Variants in MEIS1 observed in about 807,000 individuals in gnomAD.
MEIS1 encodes the protein homeobox protein Meis1.
Under a neutral mutation model 50.8 loss-of-function variants are expected in MEIS1, and 5 were observed. The observed-to-expected ratio is 0.10, with a 90% CI of 0.05 to 0.21. The LOEUF (loss-of-function observed/expected upper bound fraction) is 0.21, where lower values mean the gene tolerates loss of function less well. Among genes scored for constraint, MEIS1 ranks in the 10% least tolerant of loss-of-function variants. The pLI, the probability that MEIS1 is intolerant of heterozygous loss-of-function variation, is 1.00. For missense variants in MEIS1, 318 were observed against 517.3 expected (o/e 0.61, Z 3.74); for synonymous variants, 176 against 179.3 (o/e 0.98, Z 0.15).
intron 9 of MEIS1, among the ~76,000 whole-genome samples, chr2:66,560,947 A>T (rs1308949121): frequency 6.6e-6 from 1 of 152,332 alleles, no homozygotes; most frequent in Non-Finnish European, 1.5e-5. Context: ...ACATGATTTC[A>T]TAAGGTTTGA....
chr2:66,491,208 A>G (rs1673265569), intron 7 of MEIS1, among the ~76,000 whole-genome samples: 1 of 152,226 alleles, frequency 6.6e-6, no homozygotes, highest in South Asian at 2.1e-4. Context: ...ACCTATAGGA[A>G]CCATCTCTAT....
At chr2:66,479,577 T>C (rs1672970267) in intron 7 of MEIS1, among the ~76,000 whole-genome samples, 1 of 152,224 alleles carries the variant, frequency 6.6e-6, no homozygotes, top group Non-Finnish European at 1.5e-5. Flanking sequence ...GTTTCAGAGA[T>C]GAAGATCTTA....
At chr2:66,546,512 G>A (rs1383493310) in intron 8 of MEIS1, among the ~76,000 whole-genome samples, 2 of 152,144 alleles carry the variant, frequency 1.3e-5, no homozygotes, top group Non-Finnish European at 2.9e-5. Context: ...AAGGGAAGCA[G>A]GAAATATCAC....
intron 9 of MEIS1, among the ~76,000 whole-genome samples, chr2:66,557,725 C>T (rs1052325955): frequency 3.9e-5 from 6 of 152,046 alleles, no homozygotes; most frequent in African/African-American, 9.7e-5. Flanking sequence ...CCATTATAAG[C>T]GTTCATATAC....
At chr2:66,451,450 C>CTG (rs1185254457) in intron 6 of MEIS1, among the ~76,000 whole-genome samples, 1 of 152,042 alleles carries the variant, frequency 6.6e-6, no homozygotes, top group African/African-American at 2.4e-5. Flanking sequence ...AGCAATTTGA[C>CTG]TGTACATCCA....
chr2:66,476,097 C>A (rs1243621732), intron 7 of MEIS1, among the ~76,000 whole-genome samples: 6 of 152,088 alleles, frequency 3.9e-5, no homozygotes, highest in African/African-American at 9.7e-5. Flanking sequence ...TGGTTATTAT[C>A]CCCAGGAACA....
At chr2:66,482,978 A>C (rs1673053350) in intron 7 of MEIS1, among the ~76,000 whole-genome samples, 1 of 152,196 alleles carries the variant, frequency 6.6e-6, no homozygotes, top group Non-Finnish European at 1.5e-5. Flanking sequence ...TTTTGGACAC[A>C]GGAACAGCCT....
intron 1 of MEIS1, among the ~76,000 whole-genome samples, chr2:66,437,201 T>G (rs1671816685): frequency 6.6e-6 from 1 of 152,140 alleles, no homozygotes; most frequent in Non-Finnish European, 1.5e-5. Flanking sequence ...CTTGTAGGAC[T>G]GCCTAACCTC....
chr2:66,468,291 G>T (rs935684610), intron 7 of MEIS1, among the ~76,000 whole-genome samples: 1 of 152,096 alleles, frequency 6.6e-6, no homozygotes, highest in African/African-American at 2.4e-5. Flanking sequence ...CAAGCAAATT[G>T]GGTGCCTCTT....
At chr2:66,455,683 C>CA (rs1672371207) in intron 6 of MEIS1, among the ~76,000 whole-genome samples, 1 of 152,184 alleles carries the variant, frequency 6.6e-6, no homozygotes, top group Non-Finnish European at 1.5e-5. Context: ...TCCCCACCCT[C>CA]ACTGCCTGCC....
intron 9 of MEIS1, among the ~76,000 whole-genome samples, chr2:66,561,712 T>C (rs940099503): frequency 6.6e-6 from 1 of 152,238 alleles, no homozygotes; most frequent in Non-Finnish European, 1.5e-5. Flanking sequence ...TTGATTAGCT[T>C]CTTAGGTACT....
chr2:66,439,677 C>G (rs1442592359), intron 2 of MEIS1, 166 bp from the exon 3 acceptor site: 1 of 1,539,594 alleles, frequency 6.5e-7, no homozygotes, highest in Admixed American at 2.0e-5. Context: ...GGGAGGTGAG[C>G]GGTCACCTGG....
At chr2:66,527,446 C>T (rs918918068) in intron 8 of MEIS1, among the ~76,000 whole-genome samples, 1 of 152,164 alleles carries the variant, frequency 6.6e-6, no homozygotes, top group East Asian at 1.9e-4. Context: ...GTCCACATAG[C>T]CTCATCAGAG....
chr2:66,519,951 G>C (rs1210914938), intron 8 of MEIS1, among the ~76,000 whole-genome samples: 2 of 152,028 alleles, frequency 1.3e-5, no homozygotes, highest in African/African-American at 4.8e-5. Flanking sequence ...GTTTTTATCT[G>C]TTTCCACAAT....
Position 66,440,059 on chromosome 2 carries a change from G to A in MEIS1, c.381+75G>A, listed in dbSNP as rs771454608. On this transcript the variant is annotated intron_variant, in intron 3 of 12. Transcript: ENST00000272369. ...CCTTCGCCAACACACACGCGCGCGC[G>A]CGCGCGCGAACACACACACACACAC... The A allele has an allele frequency of 1.8e-5, 23 of 1,268,478 alleles. No homozygotes were observed. In the African/African-American group the frequency reaches 5.2e-4, roughly 29 times the overall value. The allele number at this position is 1,268,478 out of a possible 1,614,324, so 78.6% of individuals were successfully genotyped here.
intron 6 of MEIS1, among the ~76,000 whole-genome samples, chr2:66,457,901 T>C (rs1024716678): frequency 6.6e-6 from 1 of 152,208 alleles, no homozygotes; most frequent in African/African-American, 2.4e-5. Context: ...TTGTTCACTT[T>C]TGGAGACAAG....
At chr2:66,481,080 A>G (rs542414942) in intron 7 of MEIS1, among the ~76,000 whole-genome samples, 36 of 152,210 alleles carry the variant, frequency 2.4e-4, no homozygotes, top group African/African-American at 8.4e-4. Context: ...AAATGAGCAG[A>G]GAGGCAAGTC....
intron 9 of MEIS1, among the ~76,000 whole-genome samples, chr2:66,548,292 A>G (rs970206396): frequency 1.3e-5 from 2 of 151,832 alleles, no homozygotes; most frequent in Non-Finnish European, 2.9e-5. Context: ...GGCTCTGTCA[A>G]TGTATCTCTC....
At chr2:66,501,159 T>TA (rs869037067) in intron 7 of MEIS1, among the ~76,000 whole-genome samples, 5 of 152,156 alleles carry the variant, frequency 3.3e-5, no homozygotes, top group Non-Finnish European at 7.4e-5. Context: ...AAAATAATTT[T>TA]AAAAAATAGG....
Sources: allele counts gnomAD v4.1 joint callset (sites outside exome capture counted in the v4.1 genomes callset), GRCh38; gene constraint gnomAD v4.1.1; transcripts MANE v1.5; gene names NCBI Gene and HGNC (gene_info 2026-07-23, HGNC 2026-07-21).